The following MMP28 variants were observed in gnomAD, a reference collection of about 807,000 sequenced individuals.
The protein encoded by MMP28 is matrix metallopeptidase 28.
MMP28 carries 55 observed loss-of-function variants against 60.5 expected under a neutral mutation model. The observed-to-expected ratio is 0.91, with a 90% CI of 0.73 to 1.14. MMP28 has a LOEUF of 1.14. Among genes scored for constraint, MMP28 ranks in the 50% most tolerant of loss-of-function variants. The pLI, the probability that MMP28 is intolerant of heterozygous loss-of-function variation, is 0.00. For missense variants in MMP28, 686 were observed against 738.3 expected (o/e 0.93, Z 0.82); for synonymous variants, 318 against 312.5 (o/e 1.02, Z -0.18).
chr17:35,773,521 G>A lies in MMP28; in HGVS notation c.380-117C>T, dbSNP rs527437617. On this transcript the variant is annotated intron_variant, in intron 3 of 7. Transcript: ENST00000605424. ...CCCCCAGCAGCCCCTCGTCTGACGG[G>A]GAAGACACAGTTTTTGCCCTGGGCA... 72 of 914,496 alleles carry A rather than the reference G, an allele frequency of 7.9e-5. No homozygotes were observed. In the African/African-American group the frequency reaches 1.1e-3, roughly 14 times the overall value. 56.6% of individuals were successfully genotyped at this position (914,496 alleles called of 1,614,324 possible). A position where few individuals can be genotyped will look rare whatever the true frequency, so the allele number is the denominator to read the frequency against.
chr17:35,765,116 T>TG (rs1203979688), downstream of MMP28: 3 of 152,430 alleles, frequency 2.0e-5, no homozygotes, highest in African/African-American at 7.2e-5. Context: ...CGGGTGGGGA[T>TG]GATCCTCCTG....
Position 35,770,075 on chromosome 17 carries a change from C to G in MMP28, c.842G>C (p.Ser281Thr). 1 of 1,580,364 alleles carries G rather than the reference C, an allele frequency of 6.3e-7. No individual in the cohort carries two copies. The highest frequency in any genetic ancestry group is 8.6e-7 in the Non-Finnish European group (1 of 1,164,088). Reference sequence around the variant, plus strand: ...ATGTCCCGGGGCCTCACCATACAGGCTCTGCACGGCCAGCACGTCGTCCCA... The same window carrying G: ...ATGTCCCGGGGCCTCACCATACAGGGTCTGCACGGCCAGCACGTCGTCCCA... ...LSWDDVLAVQ[S>T]LYGKPLGGSV... The change falls in exon 5 of 8, where the codon AGC becomes ACC. Residue 281 changes from serine to threonine, a missense_variant. By Grantham distance (58) the Ser-to-Thr change is moderately conservative. Transcript: ENST00000605424.
rs565421492 is a variant in MMP28 at position 35,774,551 on chromosome 17, G to A, written c.380-1147C>T. Among the ~76,000 whole-genome samples the A allele has an allele frequency of 3.1e-4, 47 of 152,364 alleles. No individual in the cohort carries two copies. In the South Asian group the frequency reaches 9.3e-3, roughly 30 times the overall value. ...ATCTGCCCAAACATCATTCCTGCCGGTCAAAGCATGAACTAAGATTCTCCA... is the reference window on the plus strand; with the variant it reads ...ATCTGCCCAAACATCATTCCTGCCGATCAAAGCATGAACTAAGATTCTCCA... On this transcript the variant is annotated intron_variant, in intron 3 of 7. Transcript: ENST00000605424.
At position 35,766,574 on chromosome 17, in the gene MMP28, T is replaced by C. The variant is rs772206617; in HGVS notation, c.1489A>G (p.Thr497Ala). The C allele has an allele frequency of 6.2e-7, 1 of 1,611,434 alleles. No individual in the cohort carries two copies. The highest frequency in any genetic ancestry group is 8.5e-7 in the Non-Finnish European group (1 of 1,179,482). The change falls in exon 8 of 8, where the codon ACC (threonine) becomes GCC (alanine). Residue 497 changes from threonine (T) to alanine (A), a missense_variant. Coordinates refer to ENST00000605424, the MANE Select transcript of MMP28 (RefSeq NM_024302.5). This position sits in a 1 kb window ranked among gnomAD's most constrained non-coding sequence, Gnocchi z 4.3. The stretch of plus-strand genomic sequence containing the variant: ...AGCTCGGTGGCCCAGCGGCCCGAGG[T>C]GGTTGCCTGCAGTTTGGCCTGGTCG... ...RLDQAKLQAT[T>A]SGRWATELPW...
chr17:35,756,339 C>T (rs2085737418), exon 3 of MMP28: 9 of 953,976 alleles, frequency 9.4e-6, no homozygotes, highest in Non-Finnish European at 1.0e-5. Context: ...TCCAGGCACT[C>T]GGTTCCTTTC....
At position 35,766,622 on chromosome 17, in the gene MMP28, G is replaced by A. The variant is rs1428393563; in HGVS notation, c.1441C>T (p.Arg481Ter). Residue 481 changes from arginine to a stop codon, truncating the protein, a stop_gained, in exon 8 of 8, where the codon CGA becomes TGA. Coordinates refer to ENST00000605424, the MANE Select transcript of MMP28 (RefSeq NM_024302.5). LOFTEE classifies it high-confidence loss of function. This position sits in a 1 kb window ranked among gnomAD's most constrained non-coding sequence, Gnocchi z 4.3. ...TCGAGGCGCCAGTAGCGGTCATCTC[G>A]GAAGAAGATGATGGAGCCATCGGGC... ...PRPDGSIIFF[R>*]DDRYWRLDQA... is the part of the protein sequence containing the mutation. The A allele has an allele frequency of 8.7e-6, 14 of 1,612,694 alleles. No homozygotes were observed. Among genetic ancestry groups the A allele is most frequent in the African/African-American group, 2.7e-5 (2 of 75,064 alleles).
rs111566863 is a variant in MMP28 at position 35,776,901 on chromosome 17, A to AAG, written c.379+1985_379+1986dup. Among the ~76,000 whole-genome samples the AAG allele has an allele frequency of 4.0e-4, 61 of 152,030 alleles. 1 individual carries two copies. The highest frequency in any genetic ancestry group is 1.0e-3 in the African/African-American group (42 of 41,462). On this transcript the variant is annotated intron_variant, in intron 3 of 7. Coordinates refer to ENST00000605424, the MANE Select transcript of MMP28 (RefSeq NM_024302.5). ...AAGGCTCCATCTCAAAAAAAAAAGA[A>AAG]AGAGAGAGAGAGAGATGCTCGAAAT...
At chr17:35,761,337 C>T (rs1461540773), downstream of MMP28, among the ~76,000 whole-genome samples, 2 of 151,772 alleles carry the variant, frequency 1.3e-5, no homozygotes, top group Non-Finnish European at 2.9e-5. Context: ...TCGCGAACTC[C>T]TGACCTCAAG....
chr17:35,795,443 C>CG lies in MMP28; in HGVS notation c.-67_-66insC, dbSNP rs1210735389. The CG allele has an allele frequency of 1.6e-6, 2 of 1,218,816 alleles. No individual in the cohort carries two copies. The highest frequency in any genetic ancestry group is 1.6e-5 in the African/African-American group (1 of 62,750). The allele number at this position is 1,218,816 out of a possible 1,614,324, so 75.5% of individuals were successfully genotyped here. On this transcript the variant is annotated 5_prime_UTR_variant, in exon 1 of 8. Coordinates refer to ENST00000605424, the MANE Select transcript of MMP28 (RefSeq NM_024302.5). ...GCGCAGGGAACCAGCCGGCAGTCAG[C>CG]CGCGCCCGGGACCCCGGGGATGGGA...
chr17:35,771,766 C>A lies in MMP28; in HGVS notation c.604+1414G>T, dbSNP rs1555605853. 7.7e-5 allele frequency among the ~76,000 whole-genome samples: 8 copies of A among 103,792 alleles called. 1 individual carries two copies. The highest frequency in any genetic ancestry group is 7.6e-5 in the African/African-American group (2 of 26,296). 68.1% of individuals were successfully genotyped at this position (103,792 alleles called of 152,430 possible). On this transcript the variant is annotated intron_variant, in intron 4 of 7. Transcript: ENST00000605424. Reference sequence around the variant, plus strand: ...ATATATATATATATAAAATTGTGTTCTTGCCCTCCTCTGCCAGGGCACCTC... The same window carrying A: ...ATATATATATATATAAAATTGTGTTATTGCCCTCCTCTGCCAGGGCACCTC...
chr17:35,785,544 T>C (rs2086622250), intron 1 of MMP28, among the ~76,000 whole-genome samples: 2 of 151,938 alleles, frequency 1.3e-5, no homozygotes, highest in Admixed American at 1.3e-4. Context: ...GCCTCCCGAG[T>C]TCACACCATT....
chr17:35,764,355 A>G (rs905582189), downstream of MMP28: 3 of 1,454,750 alleles, frequency 2.1e-6, no homozygotes, highest in Non-Finnish European at 2.7e-6. Flanking sequence ...CCGGGGCACG[A>G]GGGAGGCGGT....
chr17:35,788,501 C>T (rs1280876702), intron 1 of MMP28, among the ~76,000 whole-genome samples: 1 of 152,122 alleles, frequency 6.6e-6, no homozygotes, highest in African/African-American at 2.4e-5. Flanking sequence ...TCCTCTAGGA[C>T]CCTTCAGAGC....
chr17:35,790,057 T>C (rs2086766913), intron 1 of MMP28, among the ~76,000 whole-genome samples: 1 of 126,922 alleles, frequency 7.9e-6, no homozygotes. Flanking sequence ...CCACCGCACC[T>C]GGCTTTTTTT....
At chr17:35,790,223 C>T (rs2086774815) in intron 1 of MMP28, among the ~76,000 whole-genome samples, 1 of 151,960 alleles carries the variant, frequency 6.6e-6, no homozygotes, top group Non-Finnish European at 1.5e-5. Flanking sequence ...GCCACTACAC[C>T]TGGCTAATTT....
At chr17:35,764,818 T>C (rs1365770702), downstream of MMP28, 3 of 558,980 alleles carry the variant, frequency 5.4e-6, no homozygotes, top group Non-Finnish European at 8.9e-6. Context: ...GCGCCCCCAG[T>C]GCAGAGCCCA....
chr17:35,787,051 G>T (rs1005947630), intron 1 of MMP28, among the ~76,000 whole-genome samples: 1 of 152,118 alleles, frequency 6.6e-6, no homozygotes, highest in African/African-American at 2.4e-5. Flanking sequence ...AACTAAAGGG[G>T]CAAGGGCCAA....
At chr17:35,769,964 T>G (rs2086068823) in intron 5 of MMP28, 103 bp downstream of exon 5, 3 of 1,399,200 alleles carry the variant, frequency 2.1e-6, no homozygotes, top group African/African-American at 1.5e-5. Context: ...GCCAGATCTA[T>G]GAGCTTAGGA....
intron 1 of MMP28, among the ~76,000 whole-genome samples, chr17:35,790,786 G>T (rs898203628): frequency 6.6e-6 from 1 of 152,006 alleles, no homozygotes; most frequent in Non-Finnish European, 1.5e-5. Context: ...TCAGGAGTTC[G>T]AAACCAGCCT....
Sources: gnomAD v4.1 joint callset for allele counts (sites outside exome capture counted in the v4.1 genomes callset) on GRCh38, gnomAD v4.1.1 for gene constraint, Gnocchi (gnomAD v3.1) non-coding constraint, MANE v1.5 for transcripts, NCBI Gene and HGNC (gene_info 2026-07-23, HGNC 2026-07-21) for gene names.